USP28: variants seen among roughly 807,000 people sequenced by gnomAD.
The protein encoded by USP28 is ubiquitin carboxyl-terminal hydrolase 28.
Under a neutral mutation model 145.0 loss-of-function variants are expected in USP28, and 113 were observed. The ratio of observed to expected loss-of-function variants is 0.78; its 90% CI spans 0.67 to 0.91. The LOEUF (loss-of-function observed/expected upper bound fraction) is 0.91. Among genes scored for constraint, USP28 ranks in the 40% least tolerant of loss-of-function variants. The probability of loss-of-function intolerance (pLI) is 0.00; values close to 1 mark genes in which losing one functional copy is unlikely to be tolerated. For synonymous variants in USP28, 447 were observed against 450.9 expected, an observed-to-expected ratio of 0.99 and a Z score of 0.11; for missense variants, 1,201 against 1,289.6, an observed-to-expected ratio of 0.93 and a Z score of 1.05.
exon 13 of USP28, chr11:113,817,788 G>C: frequency 1.2e-6 from 2 of 1,614,178 alleles, no homozygotes; most frequent in Non-Finnish European, 1.7e-6. Flanking sequence ...ACATATTTCA[G>C]CATGTCCGGG....
chr11:113,799,260 A>C lies in USP28; in HGVS notation c.3214T>G (p.Ser1072Ala), dbSNP rs1938482964. 1.9e-6 allele frequency: 3 copies of C among 1,613,426 alleles called. No individual in the cohort carries two copies. The East Asian group carries it at 6.7e-5, about 36-fold the overall frequency. Residue 1072 changes from serine (S) to alanine (A), a missense_variant, in exon 25 of 25, where the codon TCA (serine) becomes GCA (alanine). By Grantham distance (99) the Ser-to-Ala change is moderately conservative. Coordinates refer to ENST00000003302, the Ensembl canonical transcript of USP28. ...GGAGCTTATTTCACTGTCACAGTTG[A>C]AACTCCCTGAATTGACTCCATGACA... is the stretch of plus-strand genomic sequence containing the variant.
At chr11:113,853,301 C>CAAAAA (rs35806711) in intron 2 of USP28, among the ~76,000 whole-genome samples, 1 of 54,946 alleles carries the variant, frequency 1.8e-5, no homozygotes, top group Non-Finnish European at 3.1e-5. Flanking sequence ...TCTCCTGTCT[C>CAAAAA]AAAAAAAAAA....
chr11:113,840,307 T>C (rs1313714630), intron 5 of USP28, among the ~76,000 whole-genome samples: 1 of 148,202 alleles, frequency 6.7e-6, no homozygotes, highest in East Asian at 2.0e-4. Flanking sequence ...ATAGCTATGA[T>C]AGCCTTCAAC....
chr11:113,824,704 GCGGATTAC>G (rs1943087529), intron 11 of USP28, among the ~76,000 whole-genome samples: 1 of 151,630 alleles, frequency 6.6e-6, no homozygotes, highest in African/African-American at 2.4e-5. Context: ...GCCGAGGCAG[GCGGATTAC>G]CTGAGGACGG....
chr11:113,857,565 G>GT (rs1473839599), intron 1 of USP28, among the ~76,000 whole-genome samples: 2 of 152,146 alleles, frequency 1.3e-5, no homozygotes, highest in East Asian at 3.8e-4. Context: ...TATAACAATA[G>GT]TAACAGCTAT....
exon 25 of USP28, chr11:113,798,785 T>C (rs1938405540): frequency 6.6e-6 from 1 of 152,524 alleles, no homozygotes; most frequent in Non-Finnish European, 1.5e-5. Context: ...CCAGGCAAGG[T>C]TTATATTTCT....
At chr11:113,855,955 G>A (rs1055641532) in intron 1 of USP28, among the ~76,000 whole-genome samples, 6 of 152,094 alleles carry the variant, frequency 3.9e-5, no homozygotes, top group African/African-American at 4.8e-5. Context: ...ACCAACAGTC[G>A]TTCTGCTGTA....
At chr11:113,832,133 A>C in intron 7 of USP28, 140 bp from the exon 8 acceptor site, 3 of 746,140 alleles carry the variant, frequency 4.0e-6, no homozygotes, top group Non-Finnish European at 6.4e-6. Flanking sequence ...GTTTTGAGAC[A>C]GGGTCTCACT....
chr11:113,840,017 A>AAAAAAAC (rs1192314653), intron 5 of USP28, among the ~76,000 whole-genome samples: 1 of 152,250 alleles, frequency 6.6e-6, no homozygotes, highest in African/African-American at 2.4e-5. Flanking sequence ...TGTCAGAAAG[A>AAAAAAAC]AAAAAACAAA....
chr11:113,817,538 A>G (rs1319787875), intron 13 of USP28, 120 bp downstream of exon 13: 1 of 1,189,930 alleles, frequency 8.4e-7, no homozygotes, highest in Non-Finnish European at 1.2e-6. Flanking sequence ...CCTTTAAGAC[A>G]AAGAGCTCAC....
intron 1 of USP28, among the ~76,000 whole-genome samples, chr11:113,856,543 C>A (rs569116429): frequency 3.3e-5 from 5 of 152,222 alleles, no homozygotes; most frequent in African/African-American, 1.2e-4. Context: ...AGGTATTACG[C>A]CTGTCCTACA....
chr11:113,835,642 C>G (rs1591330842), intron 5 of USP28, among the ~76,000 whole-genome samples: 1 of 152,210 alleles, frequency 6.6e-6, no homozygotes, highest in East Asian at 1.9e-4. Flanking sequence ...ACCTGTCTAC[C>G]TAACACACTT....
chr11:113,808,774 C>T (rs1395218680), intron 17 of USP28, among the ~76,000 whole-genome samples: 1 of 152,206 alleles, frequency 6.6e-6, no homozygotes, highest in Non-Finnish European at 1.5e-5. Context: ...TTCATAAAGT[C>T]TACCTATTAA....
chr11:113,840,563 C>T, intron 5 of USP28, 35 bp downstream of exon 5: 1 of 1,585,062 alleles, frequency 6.3e-7, no homozygotes, highest in Non-Finnish European at 8.6e-7. Flanking sequence ...AAAGTTATTT[C>T]CAAAAGACAC....
chr11:113,819,269 C>T (rs9667440), intron 12 of USP28, among the ~76,000 whole-genome samples: 16,178 of 151,802 alleles, frequency 0.11, 892 homozygotes, highest in Middle Eastern at 0.18. Flanking sequence ...TGCGATGCCA[C>T]GCCCAGCTAA....
At chr11:113,870,331 A>T (rs1319768154) in intron 1 of USP28, among the ~76,000 whole-genome samples, 1 of 152,214 alleles carries the variant, frequency 6.6e-6, no homozygotes, top group African/African-American at 2.4e-5. Flanking sequence ...GTTCAAGACC[A>T]GCCTGGGCAA....
chr11:113,847,454 TG>T (rs1169448698), intron 3 of USP28, among the ~76,000 whole-genome samples: 15 of 6,596 alleles, frequency 2.3e-3, no homozygotes, highest in Non-Finnish European at 4.2e-3. Flanking sequence ...GGGACGGGGG[TG>T]GGGGGGCGGG....
At chr11:113,846,541 ATTCTGGGGG>A (rs1414430089) in intron 3 of USP28, among the ~76,000 whole-genome samples, 18 of 152,224 alleles carry the variant, frequency 1.2e-4, no homozygotes, top group African/African-American at 4.3e-4. Context: ...ATATGGTAAC[ATTCTGGGGG>A]TTGTTTCACA....
chr11:113,851,819 T>C (rs1946484954), intron 3 of USP28, among the ~76,000 whole-genome samples: 1 of 142,996 alleles, frequency 7.0e-6, no homozygotes, highest in Non-Finnish European at 1.5e-5. Flanking sequence ...CAATTGGAAA[T>C]ACAGTCCCCA....
Sources: gnomAD v4.1 joint callset for allele counts (sites outside exome capture counted in the v4.1 genomes callset) on GRCh38, gnomAD v4.1.1 for gene constraint, MANE v1.5 for transcripts, NCBI Gene and HGNC (gene_info 2026-07-23, HGNC 2026-07-21) for gene names.